The following FBXO47 variants were observed in gnomAD, a reference collection of about 807,000 sequenced individuals.
FBXO47 encodes F-box only protein 47.
FBXO47 carries 34 observed loss-of-function variants against 53.9 expected under a neutral mutation model. The ratio of observed to expected loss-of-function variants is 0.63; its 90% CI spans 0.48 to 0.84. The LOEUF is 0.84. FBXO47 is among the 40% of genes least tolerant of loss of function. The pLI, the probability that FBXO47 is intolerant of heterozygous loss-of-function variation, is 0.00. For missense variants in FBXO47, 485 were observed against 541.3 expected (o/e 0.90, Z 1.03); for synonymous variants, 165 against 181.6 (o/e 0.91, Z 0.73).
chr17:38,940,962 A>G (rs765983510), intron 9 of FBXO47, among the ~76,000 whole-genome samples: 53 of 151,512 alleles, frequency 3.5e-4, no homozygotes, highest in Non-Finnish European at 6.8e-4. Context: ...TATAGACATG[A>G]ACCAATGCAC....
intron 1 of FBXO47, among the ~76,000 whole-genome samples, chr17:38,965,413 A>G (rs186406701): frequency 5.3e-5 from 8 of 152,340 alleles, no homozygotes; most frequent in Admixed American, 1.3e-4. Context: ...AATGTTACAT[A>G]TCAACTTACA....
intron 7 of FBXO47, among the ~76,000 whole-genome samples, chr17:38,943,949 T>C (rs533295991): frequency 1.3e-5 from 2 of 152,196 alleles, no homozygotes; most frequent in African/African-American, 4.8e-5. Flanking sequence ...CCCAGCACTT[T>C]AGGAGGCCGA....
intron 7 of FBXO47, 112 bp downstream of exon 7, chr17:38,944,848 A>ATATGTGTGTGTGTG: frequency 1.6e-6 from 1 of 615,522 alleles, no homozygotes; most frequent in South Asian, 2.2e-5. Flanking sequence ...GCGTGCATGC[A>ATATGTGTGTGTGTG]TGTGTGTGTG....
chr17:38,960,907 C>A (rs1274153648), intron 3 of FBXO47, among the ~76,000 whole-genome samples: 1 of 152,074 alleles, frequency 6.6e-6, no homozygotes, highest in Non-Finnish European at 1.5e-5. Context: ...GCTGAGATTA[C>A]AGGTGTGAAC....
At chr17:38,944,418 A>G (rs1904650319) in intron 7 of FBXO47, among the ~76,000 whole-genome samples, 1 of 149,388 alleles carries the variant, frequency 6.7e-6, no homozygotes. Flanking sequence ...AATACAAAAA[A>G]CTGGCCAGGC....
chr17:38,965,316 A>G (rs1040417928), intron 1 of FBXO47, among the ~76,000 whole-genome samples: 1 of 152,204 alleles, frequency 6.6e-6, no homozygotes, highest in Non-Finnish European at 1.5e-5. Flanking sequence ...AGACATTTTC[A>G]TCAAAGATAT....
At chr17:38,960,453 T>G (rs1214353768) in intron 3 of FBXO47, among the ~76,000 whole-genome samples, 2 of 151,988 alleles carry the variant, frequency 1.3e-5, no homozygotes, top group African/African-American at 4.8e-5. Context: ...CAATACATAT[T>G]TGTACTTTTT....
chr17:38,964,189 G>A (rs773558412), intron 1 of FBXO47, among the ~76,000 whole-genome samples: 1 of 152,264 alleles, frequency 6.6e-6, no homozygotes, highest in Non-Finnish European at 1.5e-5. Context: ...GCCGAGTGAC[G>A]TGACTCACCC....
chr17:38,938,559 A>G lies in FBXO47; in HGVS notation c.1243+14T>C, dbSNP rs1348260111. On this transcript the variant is annotated intron_variant, in intron 10 of 10. Transcript: ENST00000378079. Reference sequence around the variant, plus strand: ...TTTTACGCACACCTGTGCACCAAGTACATTCCTACTCACCAGACATAATTG... The same window carrying G: ...TTTTACGCACACCTGTGCACCAAGTGCATTCCTACTCACCAGACATAATTG... 6.3e-6 allele frequency: 10 copies of G among 1,597,348 alleles called. No individual in the cohort carries two copies. Among genetic ancestry groups the G allele is most frequent in the Middle Eastern group, 3.3e-4 (2 of 5,978 alleles).
intron 1 of FBXO47, among the ~76,000 whole-genome samples, chr17:38,965,625 G>C (rs1906064991): frequency 2.0e-5 from 3 of 146,924 alleles, no homozygotes; most frequent in Non-Finnish European, 4.5e-5. Flanking sequence ...CTTAATCCCA[G>C]CACTTTGGGA....
intron 9 of FBXO47, among the ~76,000 whole-genome samples, chr17:38,939,090 T>G (rs900078369): frequency 6.6e-6 from 1 of 151,590 alleles, no homozygotes; most frequent in Non-Finnish European, 1.5e-5. Flanking sequence ...GGTCAGGAGT[T>G]CGAGACCAGC....
chr17:38,947,628 G>A (rs369978430), intron 6 of FBXO47, among the ~76,000 whole-genome samples: 2 of 152,266 alleles, frequency 1.3e-5, no homozygotes, highest in African/African-American at 2.4e-5. Context: ...TTAGATTAAC[G>A]GCCAGGCGTG....
intron 6 of FBXO47, among the ~76,000 whole-genome samples, chr17:38,945,426 A>G (rs968366990): frequency 1.4e-4 from 21 of 152,160 alleles, no homozygotes; most frequent in African/African-American, 5.1e-4. Flanking sequence ...TGGATTTAAA[A>G]AGAAATAAAT....
In FBXO47 at chr17:38,946,875, TATATATAAATATATATATAAAC is replaced by T. The variant is rs1380320544; in HGVS notation, c.617-1761_617-1740del. Among the ~76,000 whole-genome samples the T allele has an allele frequency of 4.8e-3, 539 of 113,440 alleles. 2 individuals carry two copies. The highest frequency in any genetic ancestry group is 0.019 in the African/African-American group (506 of 26,164). 74.4% of individuals were successfully genotyped at this position (113,440 alleles called of 152,430 possible). On this transcript the variant is annotated intron_variant, in intron 6 of 10. Coordinates refer to ENST00000378079, the MANE Select transcript of FBXO47 (RefSeq NM_001008777.3). ...AAAAATATATATAAATATATAAACATATATATAAATATATATATAAACATATATAAATATATATAAACATATA... is the reference window on the plus strand; with the variant it reads ...AAAAATATATATAAATATATAAACATATATATAAATATATATAAACATATA...
chr17:38,938,976 G>T (rs1363916698), intron 9 of FBXO47, among the ~76,000 whole-genome samples: 3 of 152,004 alleles, frequency 2.0e-5, no homozygotes, highest in Admixed American at 2.0e-4. Flanking sequence ...TATCATAGAA[G>T]AATATTTACT....
chr17:38,951,736 A>C, intron 5 of FBXO47, 47 bp from the exon 6 acceptor site: 1 of 1,428,410 alleles, frequency 7.0e-7, no homozygotes. Context: ...CTATCAAGTC[A>C]AAACATAAGT....
intron 6 of FBXO47, among the ~76,000 whole-genome samples, chr17:38,946,030 TATATATAAATATATATAAA>T (rs1904758495): frequency 8.8e-6 from 1 of 113,696 alleles, no homozygotes; most frequent in Non-Finnish European, 1.7e-5. Context: ...AATATAAAAA[TATATATAAATATATATAAA>T]ATATATAAAT....
chr17:38,938,491 T>C (rs1904353421), intron 10 of FBXO47, 82 bp downstream of exon 10: 1 of 1,021,304 alleles, frequency 9.8e-7, no homozygotes, highest in African/African-American at 1.6e-5. Context: ...TCTTGGACTG[T>C]TAGAGAAAAA....
rs556669338 is a variant in FBXO47, at chr17:38,962,062, AT to A, written c.182-16del. On this transcript the variant is annotated splice_polypyrimidine_tract_variant and intron_variant, in intron 2 of 10. Transcript: ENST00000378079. The stretch of plus-strand genomic sequence containing the variant: ...GATATCCTTCACTACCAAAAGAAAT[AT>A]ATATGTGTATGTATCAATGGCTTAA... The A allele has an allele frequency of 2.3e-4, 363 of 1,603,840 alleles. 1 individual carries two copies. In the African/African-American group the frequency reaches 3.5e-3, roughly 15 times the overall value.
Sources: gnomAD v4.1 joint callset for allele counts (sites outside exome capture counted in the v4.1 genomes callset) on GRCh38, gnomAD v4.1.1 for gene constraint, MANE v1.5 for transcripts, NCBI Gene and HGNC (gene_info 2026-07-23, HGNC 2026-07-21) for gene names.